RP2: variants seen among roughly 807,000 people sequenced by gnomAD.
RP2 encodes the protein protein XRP2.
A neutral mutation model predicts 20.3 loss-of-function variants in RP2; 3 were observed. The observed-to-expected ratio is 0.15, with a 90% confidence interval of 0.07 to 0.38. RP2 has a LOEUF of 0.38. Among genes scored for constraint, RP2 ranks in the 10% least tolerant of loss-of-function variants. The probability of loss-of-function intolerance (pLI) is 1.00; values close to 1 mark genes in which losing one functional copy is unlikely to be tolerated. For synonymous variants in RP2, 75 were observed against 94.8 expected (o/e 0.79, Z 1.22); for missense variants, 233 against 268.5 (o/e 0.87, Z 0.92).
At chrX:46,853,284 A>G (rs781838926) in intron 1 of RP2, among the ~76,000 whole-genome samples, 192 bp from the exon 2 acceptor site, 6 of 111,617 alleles carry the variant, frequency 5.4e-5, no homozygotes, top group Non-Finnish European at 9.4e-5. Flanking sequence ...TATGTTGACT[A>G]AGATCATAGG....
intron 3 of RP2, among the ~76,000 whole-genome samples, chrX:46,861,071 C>T (rs1556320037): frequency 9.0e-6 from 1 of 111,610 alleles, no homozygotes; most frequent in African/African-American, 3.3e-5. Context: ...AAATTCTGAC[C>T]TGGCCCCTTT....
chrX:46,843,894 G>A (rs956197548), intron 1 of RP2, among the ~76,000 whole-genome samples: 11 of 110,197 alleles, frequency 1.0e-4, no homozygotes, highest in East Asian at 8.5e-4. Context: ...GGCTGGTCTC[G>A]AACTCCTGGT....
intron 3 of RP2, among the ~76,000 whole-genome samples, chrX:46,863,460 C>T (rs1013152756): frequency 8.9e-6 from 1 of 112,120 alleles, no homozygotes; most frequent in East Asian, 2.8e-4. Flanking sequence ...TTAAGCTGCT[C>T]AGCAGTGCGC....
intron 2 of RP2, among the ~76,000 whole-genome samples, chrX:46,859,559 CATTTT>C (rs1416955989): frequency 9.1e-6 from 1 of 110,150 alleles, no homozygotes; most frequent in African/African-American, 3.3e-5. Context: ...AGCTTTTCCT[CATTTT>C]ATTATAACAT....
At chrX:46,845,489 G>A (rs1382276343) in intron 1 of RP2, among the ~76,000 whole-genome samples, 2 of 111,317 alleles carry the variant, frequency 1.8e-5, no homozygotes, top group Non-Finnish European at 3.8e-5. Flanking sequence ...TTAAGTGTAC[G>A]GTTCTATGAG....
chrX:46,871,183 G>A (rs911641614), intron 3 of RP2, among the ~76,000 whole-genome samples: 3 of 108,387 alleles, frequency 2.8e-5, no homozygotes, highest in Non-Finnish European at 3.8e-5. Context: ...CACCACGCCC[G>A]GCTAATATTT....
At chrX:46,856,949 C>G (rs7886511) in intron 2 of RP2, among the ~76,000 whole-genome samples, 1 of 111,286 alleles carries the variant, frequency 9.0e-6, no homozygotes, top group East Asian at 2.8e-4. Context: ...GAGATGAGTT[C>G]GCAGGGAAAT....
chrX:46,864,087 G>A (rs1192552611), intron 3 of RP2, among the ~76,000 whole-genome samples: 5 of 110,609 alleles, frequency 4.5e-5, no homozygotes, highest in East Asian at 2.9e-4. Flanking sequence ...TGAGGCAGGC[G>A]GATCACTTGA....
rs147923261 is a variant in RP2, at chrX:46,868,583, G to A, written c.883+8481G>A. Among the ~76,000 whole-genome samples, 1,023 of 108,199 alleles carry A rather than the reference G, an allele frequency of 9.5e-3. 51 individuals carry two copies. In the East Asian group the frequency reaches 0.15, roughly 16 times the overall value. 94.0% of individuals were successfully genotyped at this position (108,199 alleles called of 115,157 possible). A position where few individuals can be genotyped will look rare whatever the true frequency, so the allele number is the denominator to read the frequency against. On this transcript the variant is annotated intron_variant, in intron 3 of 4. Transcript: ENST00000218340. ...GTGGATCACTTGAGGCCAGAAGTTC[G>A]AGACCAGCCTGCCAACATGATGAAA...
At chrX:46,860,123 A>G in intron 3 of RP2, 21 bp downstream of exon 3, 2 of 1,065,294 alleles carry the variant, frequency 1.9e-6, no homozygotes, top group Non-Finnish European at 2.6e-6. Flanking sequence ...GATGATTGGT[A>G]TACTTTTGTG....
intron 3 of RP2, 50 bp downstream of exon 3, chrX:46,860,152 T>C: frequency 2.3e-6 from 2 of 856,353 alleles, no homozygotes; most frequent in Non-Finnish European, 3.5e-6. Flanking sequence ...CTTTACATGC[T>C]GATTTGATTT....
intron 1 of RP2, among the ~76,000 whole-genome samples, chrX:46,845,305 G>T (rs1924698247): frequency 8.9e-6 from 1 of 112,002 alleles, no homozygotes; most frequent in Non-Finnish European, 1.9e-5. Context: ...TTGAGATTAA[G>T]AATTTATATT....
In RP2 at chrX:46,854,070, G is replaced by A. The variant is rs202075411; in HGVS notation, c.697G>A (p.Asp233Asn). ...ISRGQRQKSS[D>N]ESCLVVLFAG... ...CCGGGGTCAGAGACAGAAGAGCAGCGATGAATCATGCTTAGTGGTATTATT... is the reference window on the plus strand; with the variant it reads ...CCGGGGTCAGAGACAGAAGAGCAGCAATGAATCATGCTTAGTGGTATTATT... The change falls in exon 2 of 5, where the codon GAT becomes AAT. Residue 233 changes from aspartate (D) to asparagine (N), a missense_variant. Physicochemically the swap from Asp to Asn is conservative, Grantham distance 23. Around this residue, in one of 3 missense-constraint regions of RP2, gnomAD observed 118 missense variants for 123.8 expected, o/e 0.95. Coordinates refer to ENST00000218340, the MANE Select transcript of RP2 (RefSeq NM_006915.3). The A allele has an allele frequency of 1.6e-5, 19 of 1,209,966 alleles. No individual in the cohort carries two copies. Among genetic ancestry groups the A allele is most frequent in the African/African-American group, 1.4e-4 (8 of 57,238 alleles).
At chrX:46,839,878 T>G (rs973371759) in intron 1 of RP2, among the ~76,000 whole-genome samples, 1 of 112,850 alleles carries the variant, frequency 8.9e-6, no homozygotes, top group Non-Finnish European at 1.9e-5. Context: ...GTAAGACTTT[T>G]ACATGTAAAA....
At chrX:46,837,358 G>A (rs909161085) in intron 1 of RP2, among the ~76,000 whole-genome samples, 156 bp downstream of exon 1, 1 of 111,657 alleles carries the variant, frequency 9.0e-6, no homozygotes, top group Non-Finnish European at 1.9e-5. Context: ...TTGGGGAGCG[G>A]GGACGTGAAG....
intron 2 of RP2, among the ~76,000 whole-genome samples, chrX:46,857,348 T>C (rs1924980123): frequency 1.8e-5 from 2 of 110,947 alleles, no homozygotes; most frequent in Non-Finnish European, 3.8e-5. Context: ...GATCACGAGG[T>C]CAGGAGTTCA....
intron 3 of RP2, among the ~76,000 whole-genome samples, chrX:46,860,611 A>G (rs1442566274): frequency 8.9e-6 from 1 of 112,182 alleles, no homozygotes; most frequent in Non-Finnish European, 1.9e-5. Context: ...AATTTCAGAT[A>G]CTGGATATAG....
At chrX:46,868,740 C>A (rs1361808947) in intron 3 of RP2, among the ~76,000 whole-genome samples, 2 of 99,566 alleles carry the variant, frequency 2.0e-5, no homozygotes, top group Non-Finnish European at 4.0e-5. Flanking sequence ...GAGCCAAGAT[C>A]GCGCCACTGC....
rs782136608 is a variant in RP2 at position 46,837,050 on chromosome X, AG to A, written c.-49del. On this transcript the variant is annotated 5_prime_UTR_variant, in exon 1 of 5. Coordinates refer to ENST00000218340, the MANE Select transcript of RP2 (RefSeq NM_006915.3). Reference sequence around the variant, plus strand: ...GTTCCCAGGGTTCACGCCACACTCTAGGAAGTGCCTGAGCTAGTGAGCTGGC... The same window carrying A: ...GTTCCCAGGGTTCACGCCACACTCTAGAAGTGCCTGAGCTAGTGAGCTGGC... 1.8e-6 allele frequency: 2 copies of A among 1,121,516 alleles called. No homozygotes were observed. Among genetic ancestry groups the A allele is most frequent in the South Asian group, 3.9e-5 (2 of 51,684 alleles). 92.4% of individuals were successfully genotyped at this position (1,121,516 alleles called of 1,213,427 possible).
Sources: gnomAD v4.1 joint callset for allele counts (sites outside exome capture counted in the v4.1 genomes callset) on GRCh38, gnomAD v4.1.1 for gene constraint, gnomAD v4.1.1 regional missense constraint, MANE v1.5 for transcripts, NCBI Gene and HGNC (gene_info 2026-07-23, HGNC 2026-07-21) for gene names.